SIM1: variants seen among roughly 807,000 people sequenced by gnomAD.
SIM1 encodes the protein SIM bHLH transcription factor 1, also known as single-minded homolog 1.
SIM1 carries 18 observed loss-of-function variants against 78.2 expected under a neutral mutation model. That is an observed-to-expected ratio of 0.23 (90% CI 0.16 to 0.34). The LOEUF (loss-of-function observed/expected upper bound fraction) is 0.34, where lower values mean the gene tolerates loss of function less well. SIM1 is among the 10% of genes least tolerant of loss of function. The pLI is 1.00. For missense variants in SIM1, 939 were observed against 975.1 expected (o/e 0.96, Z 0.49); for synonymous variants, 417 against 385.2 (o/e 1.08, Z -0.97).
At chr6:100,440,426 C>A (rs925601607) in intron 9 of SIM1, among the ~76,000 whole-genome samples, 1 of 152,238 alleles carries the variant, frequency 6.6e-6, no homozygotes, top group Non-Finnish European at 1.5e-5. Flanking sequence ...TGCAATACCA[C>A]TTTCTGGAGA....
intron 9 of SIM1, among the ~76,000 whole-genome samples, chr6:100,436,742 A>ATT (rs58593533): frequency 0.24 from 32,786 of 134,026 alleles, 4,232 homozygotes; most frequent in East Asian, 0.38. Flanking sequence ...TGTTTTTGGT[A>ATT]TTTTTTTTTT....
chr6:100,385,667 TTATGTGTGTGTGTG>T lies in SIM1; in HGVS notation c.*4680_*4693del, dbSNP rs1770500589. ...CTTATGTGAACCATCATTTATTTATTTATGTGTGTGTGTGTGTGTGTGTGTGTGTGTGTGTGTGT... is the reference window on the plus strand; with the variant it reads ...CTTATGTGAACCATCATTTATTTATTTGTGTGTGTGTGTGTGTGTGTGTGT... On this transcript the variant is annotated 3_prime_UTR_variant, in exon 12 of 12. Transcript: ENST00000369208. 1 of 64,650 alleles carries T rather than the reference TTATGTGTGTGTGTG, an allele frequency of 1.5e-5. No individual in the cohort carries two copies. Among genetic ancestry groups the T allele is most frequent in the Admixed American group, 1.9e-4 (1 of 5,178 alleles). 4.0% of individuals were successfully genotyped at this position (64,650 alleles called of 1,614,324 possible). A position where few individuals can be genotyped will look rare whatever the true frequency, so the allele number is the denominator to read the frequency against.
At chr6:100,446,732 C>G (rs1772365495) in intron 9 of SIM1, among the ~76,000 whole-genome samples, 1 of 152,216 alleles carries the variant, frequency 6.6e-6, no homozygotes, top group African/African-American at 2.4e-5. Context: ...GCAGCGTTCT[C>G]TTGGGTCCCT....
At chr6:100,414,706 T>C (rs1047869284) in intron 10 of SIM1, among the ~76,000 whole-genome samples, 2 of 152,192 alleles carry the variant, frequency 1.3e-5, no homozygotes, top group African/African-American at 4.8e-5. Context: ...AATGAAGGAA[T>C]AGCTATACCA....
intron 2 of SIM1, among the ~76,000 whole-genome samples, chr6:100,454,222 T>A (rs1243564272): frequency 6.6e-6 from 1 of 152,120 alleles, no homozygotes; most frequent in Non-Finnish European, 1.5e-5. Context: ...TTCATCGTCA[T>A]CCGTTTCCCG....
chr6:100,457,751 C>T (rs925146138), intron 2 of SIM1, among the ~76,000 whole-genome samples: 2 of 152,254 alleles, frequency 1.3e-5, no homozygotes, highest in African/African-American at 2.4e-5. Context: ...GCACTGCTGC[C>T]CGCCCTGCCT....
chr6:100,392,196 T>C (rs1200933068), intron 11 of SIM1, among the ~76,000 whole-genome samples: 3 of 152,090 alleles, frequency 2.0e-5, no homozygotes, highest in Admixed American at 1.3e-4. Flanking sequence ...TTTTAGACAA[T>C]ATTTATAATT....
chr6:100,412,176 C>T (rs1347817033), intron 10 of SIM1, among the ~76,000 whole-genome samples: 1 of 152,020 alleles, frequency 6.6e-6, no homozygotes, highest in African/African-American at 2.4e-5. Context: ...TACAATCATC[C>T]AGGCTGAGGG....
At chr6:100,447,997 A>C in intron 8 of SIM1, 149 bp downstream of exon 8, 1 of 610,952 alleles carries the variant, frequency 1.6e-6, no homozygotes, top group East Asian at 2.8e-5. Flanking sequence ...GTGTCGGAGA[A>C]GTCCCTCAGG....
intron 9 of SIM1, among the ~76,000 whole-genome samples, chr6:100,443,128 T>C (rs865896738): frequency 8.5e-5 from 13 of 152,056 alleles, no homozygotes; most frequent in Admixed American, 4.6e-4. Flanking sequence ...CTAACTTTTC[T>C]ATGAATTCAA....
intron 10 of SIM1, among the ~76,000 whole-genome samples, chr6:100,419,019 T>C (rs767234566): frequency 2.4e-4 from 36 of 151,898 alleles, no homozygotes; most frequent in Non-Finnish European, 3.8e-4. Context: ...ATACAAAAAT[T>C]AGACGGGCGT....
intron 9 of SIM1, among the ~76,000 whole-genome samples, chr6:100,425,533 C>T (rs916627293): frequency 2.0e-5 from 3 of 152,132 alleles, no homozygotes; most frequent in African/African-American, 4.8e-5. Context: ...TAAAAAATAC[C>T]CACTTAAAGC....
At chr6:100,452,499 G>A (rs771699566) in intron 3 of SIM1, among the ~76,000 whole-genome samples, 11 of 152,310 alleles carry the variant, frequency 7.2e-5, no homozygotes, top group Admixed American at 3.9e-4. Flanking sequence ...TGAAGAGCAT[G>A]ATGGGTGGGA....
intron 9 of SIM1, among the ~76,000 whole-genome samples, chr6:100,443,514 T>C (rs1413900973): frequency 1.3e-5 from 2 of 152,140 alleles, no homozygotes; most frequent in South Asian, 4.1e-4. Flanking sequence ...CAGTATCATT[T>C]AGAACTTTCT....
intron 8 of SIM1, 146 bp downstream of exon 8, chr6:100,448,000 C>A: frequency 1.6e-6 from 1 of 619,004 alleles, no homozygotes; most frequent in Non-Finnish European, 2.8e-6. Flanking sequence ...TCGGAGAAGT[C>A]CCTCAGGAGG....
intron 9 of SIM1, among the ~76,000 whole-genome samples, chr6:100,431,661 T>A (rs1748029292): frequency 6.6e-6 from 1 of 152,172 alleles, no homozygotes. Context: ...AGAGAACTTG[T>A]ATAATACTAC....
At position 100,393,560 on chromosome 6, in the gene SIM1, T is replaced by G. The variant is rs1235445623; in HGVS notation, c.1497A>C (p.Thr499=). ...CTTCTCTGCTTTCTGGGGAGGCCTT[T>G]GTCAGGGGCAAGGCTGCGCGAGAGC... is the stretch of plus-strand genomic sequence containing the variant. ...WWGSRAALPL[T]KASPESREAY... is the part of the protein sequence containing the mutation. The change falls in exon 11 of 12, where the codon ACA becomes ACC. Residue 499 remains threonine (T), a synonymous_variant. Coordinates refer to ENST00000369208, the MANE Select transcript of SIM1 (RefSeq NM_005068.3). 1 of 1,607,676 alleles carries G rather than the reference T, an allele frequency of 6.2e-7. No individual in the cohort carries two copies. Among genetic ancestry groups the G allele is most frequent in the Admixed American group, 1.7e-5 (1 of 59,740 alleles).
At chr6:100,418,672 C>A (rs1333333698) in intron 10 of SIM1, among the ~76,000 whole-genome samples, 1 of 152,064 alleles carries the variant, frequency 6.6e-6, no homozygotes, top group African/African-American at 2.4e-5. Context: ...TTCTATATAA[C>A]AATAGACAAA....
At chr6:100,416,805 A>G (rs1397583901) in intron 10 of SIM1, among the ~76,000 whole-genome samples, 1 of 152,170 alleles carries the variant, frequency 6.6e-6, no homozygotes, top group Non-Finnish European at 1.5e-5. Context: ...CAAGCAACAA[A>G]GGATAAAACA....
Sources: allele counts gnomAD v4.1 joint callset (sites outside exome capture counted in the v4.1 genomes callset), GRCh38; gene constraint gnomAD v4.1.1; transcripts MANE v1.5; gene names NCBI Gene and HGNC (gene_info 2026-07-23, HGNC 2026-07-21).